ADCY1: variants seen among roughly 807,000 people sequenced by gnomAD.
The protein encoded by ADCY1 is adenylate cyclase type 1.
Under a neutral mutation model 105.4 loss-of-function variants are expected in ADCY1, and 28 were observed. The observed-to-expected ratio is 0.27, with a 90% CI of 0.20 to 0.36. ADCY1 has a LOEUF of 0.36. Among genes scored for constraint, ADCY1 ranks in the 10% least tolerant of loss-of-function variants. The pLI, the probability that ADCY1 is intolerant of heterozygous loss-of-function variation, is 1.00. For synonymous variants in ADCY1, 655 were observed against 623.8 expected (o/e 1.05, Z -0.75); for missense variants, 977 against 1,434.2 (o/e 0.68, Z 5.15).
In ADCY1 at chr7:45,647,979, C is replaced by G. The variant is rs183407690; in HGVS notation, c.1021-691C>G. Among the ~76,000 whole-genome samples the G allele has an allele frequency of 6.6e-6, 1 of 152,192 alleles. No homozygotes were observed. The highest frequency in any genetic ancestry group is 1.5e-5 in the Non-Finnish European group (1 of 68,028). ...TTGTCCCTGAAATAAACACAACAGT[C>G]GTGATGATAATCCCAGTTGACACTG... On this transcript the variant is annotated intron_variant, in intron 4 of 19. Coordinates refer to ENST00000297323, the MANE Select transcript of ADCY1 (RefSeq NM_021116.4). This position sits in a 1 kb window ranked among gnomAD's most constrained non-coding sequence, Gnocchi z 4.6.
At chr7:45,660,811 A>G (rs1196364679) in intron 7 of ADCY1, among the ~76,000 whole-genome samples, 3 of 88,600 alleles carry the variant, frequency 3.4e-5, no homozygotes, top group African/African-American at 9.4e-5. Flanking sequence ...CAGGTGAGGG[A>G]TTCAGGGCTC....
Position 45,574,611 on chromosome 7 carries a change from G to T in ADCY1, c.68G>T (p.Arg23Leu). The change falls in exon 1 of 20, where the codon CGG becomes CTG. Residue 23 changes from arginine to leucine, a missense_variant. Physicochemically the swap from Arg to Leu is moderately radical, Grantham distance 102. Around this residue, in one of 7 missense-constraint regions of ADCY1, gnomAD observed 209 missense variants for 222.5 expected, o/e 0.94. Transcript: ENST00000297323. The surrounding 1 kb of genome is among the most constrained non-coding windows in gnomAD (Gnocchi z 7.0). ...GCGGGCGAGCCCGGGGGCGCCGAGC[G>T]GGCGGCCGGGACAAGCCGCCGGCGC... Reference protein sequence around the residue: ...GGAGEPGGAERAAGTSRRRGL... With the variant: ...GGAGEPGGAELAAGTSRRRGL... 2 of 1,151,744 alleles carry T rather than the reference G, an allele frequency of 1.7e-6. No individual in the cohort carries two copies. The highest frequency in any genetic ancestry group is 1.1e-6 in the Non-Finnish European group (1 of 937,614). 71.3% of individuals were successfully genotyped at this position (1,151,744 alleles called of 1,614,324 possible).
chr7:45,718,418 C>T lies in ADCY1; in HGVS notation c.*4423C>T, dbSNP rs1785399821. On this transcript the variant is annotated 3_prime_UTR_variant, in exon 20 of 20. Transcript: ENST00000297323. ...TAGAAGAGCCCTCTGAACAGGACAC[C>T]TGTTCAGGCCTGGGGGCCCCATGCT... 1 of 152,208 alleles carries T rather than the reference C, an allele frequency of 6.6e-6. No individual in the cohort carries two copies. The highest frequency in any genetic ancestry group is 2.4e-5 in the African/African-American group (1 of 41,440). The allele number at this position is 152,208 out of a possible 1,614,324, so 9.4% of individuals were successfully genotyped here.
rs2115769717 is a variant in ADCY1, at chr7:45,591,189, C to T, written c.640-1570C>T. ...AAGGTGCTCCAAATCTGTCCTCTCC[C>T]CTCCCTGTGGCCCCTGCCCCTGGTC... On this transcript the variant is annotated intron_variant, in intron 1 of 19. Transcript: ENST00000297323. This position sits in a 1 kb window ranked among gnomAD's most constrained non-coding sequence, Gnocchi z 4.1. Among the ~76,000 whole-genome samples the T allele has an allele frequency of 6.6e-6, 1 of 152,312 alleles. No individual in the cohort carries two copies. Among genetic ancestry groups the T allele is most frequent in the Middle Eastern group, 3.4e-3 (1 of 294 alleles).
intron 8 of ADCY1, among the ~76,000 whole-genome samples, chr7:45,674,812 A>G (rs1467009929): frequency 1.3e-5 from 2 of 152,054 alleles, no homozygotes; most frequent in Non-Finnish European, 2.9e-5. Flanking sequence ...ATCCCTGGTA[A>G]ATTTTTTTGC....
chr7:45,685,760 C>T (rs539860731), intron 12 of ADCY1, among the ~76,000 whole-genome samples: 78 of 152,318 alleles, frequency 5.1e-4, no homozygotes, highest in Non-Finnish European at 9.8e-4. Context: ...CTCCCTGGAG[C>T]CTCTTGCCTG....
rs1794939438 is a variant in ADCY1, at chr7:45,656,225, C to T, written c.1149-1502C>T. Among the ~76,000 whole-genome samples the T allele has an allele frequency of 1.3e-5, 2 of 152,018 alleles. 1 individual carries two copies. The highest frequency in any genetic ancestry group is 1.3e-4 in the Admixed American group (2 of 15,260). Reference sequence around the variant, plus strand: ...GACTGAGGCAGGAGAATGGTGTGAACCCGGGAGGCGGAGCTTGCAGTGAGG... The same window carrying T: ...GACTGAGGCAGGAGAATGGTGTGAATCCGGGAGGCGGAGCTTGCAGTGAGG... On this transcript the variant is annotated intron_variant, in intron 5 of 19. Coordinates refer to ENST00000297323, the MANE Select transcript of ADCY1 (RefSeq NM_021116.4).
At chr7:45,588,100 TA>T (rs1464645428) in intron 1 of ADCY1, among the ~76,000 whole-genome samples, 2 of 152,238 alleles carry the variant, frequency 1.3e-5, no homozygotes, top group Non-Finnish European at 2.9e-5. Context: ...CATTGATTTA[TA>T]TTAGTACTGA....
intron 1 of ADCY1, among the ~76,000 whole-genome samples, chr7:45,576,664 T>C (rs1415397755): frequency 6.6e-6 from 1 of 152,112 alleles, no homozygotes; most frequent in African/African-American, 2.4e-5. Context: ...CTTATCAGTC[T>C]CAGGGGGCAT....
chr7:45,648,717 C>T lies in ADCY1; in HGVS notation c.1068C>T (p.Cys356=), dbSNP rs377495931. Residue 356 remains cysteine (C), a synonymous_variant, in exon 5 of 20, where the codon TGC becomes TGT. Coordinates refer to ENST00000297323, the MANE Select transcript of ADCY1 (RefSeq NM_021116.4). ...AGATTCTCGGGGACTGCTACTACTG[C>T]GTGTCGGGCCTCACCCAGCCCAAGA... ...RIKILGDCYY[C]VSGLTQPKTD... 2.0e-5 allele frequency: 33 copies of T among 1,614,068 alleles called. No individual in the cohort carries two copies. The highest frequency in any genetic ancestry group is 1.6e-4 in the Middle Eastern group (1 of 6,084).
intron 8 of ADCY1, among the ~76,000 whole-genome samples, chr7:45,670,951 C>G (rs1449992530): frequency 1.3e-5 from 2 of 152,240 alleles, no homozygotes; most frequent in Non-Finnish European, 2.9e-5. Flanking sequence ...CACTGGTCTT[C>G]TGAACAAGCC....
At chr7:45,629,579 C>T (rs1003303966) in intron 4 of ADCY1, among the ~76,000 whole-genome samples, 4 of 148,550 alleles carry the variant, frequency 2.7e-5, no homozygotes, top group African/African-American at 7.5e-5. Flanking sequence ...ACTGCAGTGG[C>T]GCAATCTCGG....
At chr7:45,623,453 A>G (rs1219523563) in intron 4 of ADCY1, among the ~76,000 whole-genome samples, 2 of 152,170 alleles carry the variant, frequency 1.3e-5, no homozygotes, top group East Asian at 3.9e-4. Context: ...AGGGGCTGCC[A>G]CTGTCCCCCT....
intron 11 of ADCY1, chr7:45,680,270 C>T (rs759489666): frequency 8.7e-5 from 17 of 195,022 alleles, no homozygotes; most frequent in Non-Finnish European, 1.8e-4. Flanking sequence ...GTGTTTATGT[C>T]ACAGACTTTG....
intron 14 of ADCY1, among the ~76,000 whole-genome samples, chr7:45,701,082 A>T (rs191540778): frequency 6.6e-6 from 1 of 152,342 alleles, no homozygotes; most frequent in Non-Finnish European, 1.5e-5. Flanking sequence ...CTGAACATGG[A>T]GGTTGGATGG....
At chr7:45,702,435 G>T (rs891374255) in intron 14 of ADCY1, among the ~76,000 whole-genome samples, 1 of 152,238 alleles carries the variant, frequency 6.6e-6, no homozygotes, top group African/African-American at 2.4e-5. Context: ...TGGTGGCCAG[G>T]CCATGGGCCG....
At chr7:45,645,269 C>T (rs774883962) in intron 4 of ADCY1, among the ~76,000 whole-genome samples, 4 of 152,084 alleles carry the variant, frequency 2.6e-5, no homozygotes, top group African/African-American at 2.4e-5. Flanking sequence ...CTTGAGGCTC[C>T]GTGGGCATCT....
At chr7:45,704,242 G>A (rs1318820343) in intron 16 of ADCY1, among the ~76,000 whole-genome samples, 1 of 151,776 alleles carries the variant, frequency 6.6e-6, no homozygotes, top group East Asian at 1.9e-4. Context: ...CCGACAGCCA[G>A]CCAGGCACTG....
chr7:45,702,777 A>G (rs1336388455), intron 14 of ADCY1, among the ~76,000 whole-genome samples: 1 of 152,030 alleles, frequency 6.6e-6, no homozygotes, highest in Non-Finnish European at 1.5e-5. Context: ...CCATGGTGGG[A>G]CCCTTTGGGT....
Sources: allele counts gnomAD v4.1 joint callset (sites outside exome capture counted in the v4.1 genomes callset), GRCh38; gene constraint gnomAD v4.1.1; regional missense constraint gnomAD v4.1.1; non-coding constraint Gnocchi (gnomAD v3.1); transcripts MANE v1.5; gene names NCBI Gene and HGNC (gene_info 2026-07-23, HGNC 2026-07-21).